NID2: variants seen among roughly 807,000 people sequenced by gnomAD.
NID2 encodes nidogen 2, also known as nidogen-2.
Under a neutral mutation model 145.4 loss-of-function variants are expected in NID2, and 83 were observed. The observed-to-expected ratio is 0.57, with a 90% confidence interval of 0.48 to 0.69. The LOEUF is 0.69. Among genes scored for constraint, NID2 ranks in the 30% least tolerant of loss-of-function variants. The probability of loss-of-function intolerance (pLI) is 0.00; values close to 1 mark genes in which losing one functional copy is unlikely to be tolerated. For missense variants in NID2, 1,807 were observed against 1,765.7 expected (o/e 1.02, Z -0.42); for synonymous variants, 739 against 701.3 (o/e 1.05, Z -0.85).
chr14:52,030,677 GA>G (rs1281716565), intron 9 of NID2, among the ~76,000 whole-genome samples: 1 of 151,528 alleles, frequency 6.6e-6, no homozygotes, highest in Non-Finnish European at 1.5e-5. Context: ...AGAAAAGAAA[GA>G]AAAGGAAAAG....
intron 14 of NID2, among the ~76,000 whole-genome samples, chr14:52,015,836 C>G (rs1891198608): frequency 6.6e-6 from 1 of 152,154 alleles, no homozygotes; most frequent in Non-Finnish European, 1.5e-5. Context: ...CGCCACGGTG[C>G]CCTCTGTCTA....
chr14:52,020,040 C>T lies in NID2; in HGVS notation c.2794+19G>A. On this transcript the variant is annotated intron_variant, in intron 13 of 21. Transcript: ENST00000216286. The stretch of plus-strand genomic sequence containing the variant: ...GAGCTAAGAGATTCATGTGCCTAAT[C>T]TGGCCCTCTGAAACTTACCAGGTAT... The T allele has an allele frequency of 6.2e-7, 1 of 1,613,244 alleles. No individual in the cohort carries two copies. Among genetic ancestry groups the T allele is most frequent in the Non-Finnish European group, 8.5e-7 (1 of 1,179,454 alleles).
chr14:52,031,212 C>T (rs1430650729), intron 9 of NID2, among the ~76,000 whole-genome samples: 1 of 152,142 alleles, frequency 6.6e-6, no homozygotes, highest in Non-Finnish European at 1.5e-5. Context: ...TCTATCAACT[C>T]TGGCACTTCT....
chr14:52,027,836 G>A (rs1891647989), intron 11 of NID2, among the ~76,000 whole-genome samples: 1 of 150,836 alleles, frequency 6.6e-6, no homozygotes, highest in African/African-American at 2.4e-5. Flanking sequence ...TGATTCTCCT[G>A]CCTCAGCCTC....
chr14:52,038,799 G>C lies in NID2; in HGVS notation c.2205C>G (p.Asp735Glu). 1 of 1,610,464 alleles carries C rather than the reference G, an allele frequency of 6.2e-7. No homozygotes were observed. Among genetic ancestry groups the C allele is most frequent in the Non-Finnish European group, 8.5e-7 (1 of 1,178,772 alleles). The change falls in exon 9 of 22, where the codon GAC becomes GAG. Residue 735 changes from aspartate to glutamate, a missense_variant. Asp to Glu is a conservative substitution (Grantham distance 45, BLOSUM62 2). Coordinates refer to ENST00000216286, the MANE Select transcript of NID2 (RefSeq NM_007361.4). ...CAGCAAATCTAAGCACTCTTTCTTC[G>C]TCATTATACAAGGCAAAGACCCGGT... ...NVDRVFALYN[D>E]EERVLRFAVT...
chr14:52,054,534 T>C (rs192851808), intron 3 of NID2, among the ~76,000 whole-genome samples: 87 of 152,258 alleles, frequency 5.7e-4, no homozygotes, highest in African/African-American at 2.0e-3. Flanking sequence ...AGACCCTGCC[T>C]CTACAAAACC....
At chr14:52,061,881 C>A (rs1181711548) in intron 2 of NID2, among the ~76,000 whole-genome samples, 1 of 152,208 alleles carries the variant, frequency 6.6e-6, no homozygotes, top group Admixed American at 6.5e-5. Flanking sequence ...ACTACTTTTA[C>A]AATTTAGTAA....
chr14:52,029,782 CTG>C (rs1208626008), intron 9 of NID2, 92 bp from the exon 10 acceptor site: 5 of 1,102,916 alleles, frequency 4.5e-6, no homozygotes, highest in Middle Eastern at 2.4e-4. Flanking sequence ...GACTGCATGT[CTG>C]TGTTTTGTGA....
chr14:52,042,180 T>G lies in NID2; in HGVS notation c.1750A>C (p.Thr584Pro), dbSNP rs1262771194. 1 of 1,614,082 alleles carries G rather than the reference T, an allele frequency of 6.2e-7. No individual in the cohort carries two copies. The highest frequency in any genetic ancestry group is 2.2e-5 in the East Asian group (1 of 44,876). ...QPAAQALLPL[T>P]PIGGLFGWLF... ...CAGCCAAACAGGCCTCCAATTGGTG[T>G]GAGGGGGAGGAGGGCCTGGGCTGCT... Residue 584 changes from threonine to proline, a missense_variant, in exon 7 of 22, where the codon ACA (threonine) becomes CCA (proline). Physicochemically the swap from Thr to Pro is conservative, Grantham distance 38. Coordinates refer to ENST00000216286, the MANE Select transcript of NID2 (RefSeq NM_007361.4).
At chr14:52,027,730 T>C (rs1027751743) in intron 11 of NID2, among the ~76,000 whole-genome samples, 9 of 142,524 alleles carry the variant, frequency 6.3e-5, no homozygotes, top group African/African-American at 1.2e-4. Flanking sequence ...TTCTTTCTTT[T>C]TTTTTTTTTT....
intron 11 of NID2, among the ~76,000 whole-genome samples, chr14:52,028,112 G>A (rs34006905): frequency 0.084 from 12,832 of 152,214 alleles, 604 homozygotes; most frequent in Middle Eastern, 0.15. Context: ...AGAGCTGGAG[G>A]TGTTTACTAG....
rs760303611 is a variant in NID2 at position 52,015,295 on chromosome 14, GGAA to G, written c.3029-23_3029-21del. 6 of 1,588,756 alleles carry G rather than the reference GGAA, an allele frequency of 3.8e-6. No individual in the cohort carries two copies. In the African/African-American group the frequency reaches 4.0e-5, roughly 11 times the overall value. ...TGGGCTCTGAGCAGATGGGGAAGAG[GGAA>G]GAAGAAAAACCTTTGATTGTGAGTC... On this transcript the variant is annotated intron_variant, in intron 14 of 21. Coordinates refer to ENST00000216286, the MANE Select transcript of NID2 (RefSeq NM_007361.4).
At position 52,019,214 on chromosome 14, in the gene NID2, G is replaced by C. The variant is rs1891317917; in HGVS notation, c.2875C>G (p.His959Asp). The change falls in exon 14 of 22, where the codon CAC becomes GAC. Residue 959 changes from histidine to aspartate, a missense_variant. By Grantham distance (81) the His-to-Asp change is moderately conservative (BLOSUM62 -1). Transcript: ENST00000216286. ...AQYAYPGARF[H>D]IPQCDEQGNF... ...CCCTGCTCGTCGCATTGGGGGATGT[G>C]GAACCGGGCCCCAGGGTAGGCATAC... The C allele has an allele frequency of 1.2e-6, 2 of 1,613,400 alleles. No individual in the cohort carries two copies. The highest frequency in any genetic ancestry group is 1.7e-5 in the Admixed American group (1 of 60,002).
intron 20 of NID2, 56 bp from the exon 21 acceptor site, chr14:52,005,905 TC>T: frequency 1.4e-6 from 1 of 705,322 alleles, no homozygotes; most frequent in Non-Finnish European, 1.9e-6. Context: ...GATAAAGAAG[TC>T]AGTCAGCCAC....
chr14:52,053,575 T>C lies in NID2; in HGVS notation c.1429+4A>G, dbSNP rs1464021015. ...CTTAGCACCCAGTTTTCTAATGCAC[T>C]CACCCTCGGTGTTGGAACCTATGTT... On this transcript the variant is annotated splice_donor_region_variant and intron_variant, in intron 5 of 21. Transcript: ENST00000216286. 1.9e-6 allele frequency: 3 copies of C among 1,608,364 alleles called. No individual in the cohort carries two copies. Among genetic ancestry groups the C allele is most frequent in the East Asian group, 2.2e-5 (1 of 44,790 alleles).
At chr14:52,068,364 A>C (rs1342952069) in intron 1 of NID2, among the ~76,000 whole-genome samples, 1 of 152,086 alleles carries the variant, frequency 6.6e-6, no homozygotes, top group Non-Finnish European at 1.5e-5. Context: ...GGGGCCCTAA[A>C]ACTCGTTCAC....
intron 5 of NID2, among the ~76,000 whole-genome samples, chr14:52,048,242 A>G (rs969173431): frequency 2.6e-5 from 4 of 152,168 alleles, no homozygotes; most frequent in Non-Finnish European, 4.4e-5. Flanking sequence ...CAAGAATACA[A>G]CGTGAAGATT....
intron 5 of NID2, among the ~76,000 whole-genome samples, chr14:52,050,247 C>G (rs193226264): frequency 3.3e-5 from 5 of 152,230 alleles, no homozygotes; most frequent in Admixed American, 3.3e-4. Flanking sequence ...GAAGCCCTCA[C>G]TGGCAACTCT....
intron 2 of NID2, among the ~76,000 whole-genome samples, chr14:52,062,227 A>C (rs1250333607): frequency 2.0e-5 from 3 of 152,256 alleles, no homozygotes; most frequent in Admixed American, 6.5e-5. Flanking sequence ...TACAATCAGC[A>C]GTTCTTTTAG....
Sources: gnomAD v4.1 joint callset for allele counts (sites outside exome capture counted in the v4.1 genomes callset) on GRCh38, gnomAD v4.1.1 for gene constraint, MANE v1.5 for transcripts, NCBI Gene and HGNC (gene_info 2026-07-23, HGNC 2026-07-21) for gene names.